Variants in TBC1D31 observed in about 807,000 individuals in gnomAD.
TBC1D31 encodes WD repeat domain 67.
A neutral mutation model predicts 132.9 loss-of-function variants in TBC1D31; 99 were observed. That is an observed-to-expected ratio of 0.74 (90% CI 0.63 to 0.88). The LOEUF (loss-of-function observed/expected upper bound fraction) is 0.88, where lower values mean the gene tolerates loss of function less well. Ranked by LOEUF, TBC1D31 falls within the 40% of genes least tolerant of loss-of-function variation. TBC1D31 has a pLI of 0.00. For missense variants in TBC1D31, 1,134 were observed against 1,256.6 expected, an observed-to-expected ratio of 0.90 and a Z score of 1.48; for synonymous variants, 385 against 419.4, an observed-to-expected ratio of 0.92 and a Z score of 1.00.
At chr8:123,149,435 C>A (rs2130978082) in intron 20 of TBC1D31, among the ~76,000 whole-genome samples, 1 of 152,278 alleles carries the variant, frequency 6.6e-6, no homozygotes, top group South Asian at 2.1e-4. Flanking sequence ...AGGAAGGGAC[C>A]ATTATAAGCC....
chr8:123,092,785 G>A (rs1330732435), intron 4 of TBC1D31, among the ~76,000 whole-genome samples: 2 of 147,786 alleles, frequency 1.4e-5, no homozygotes. Flanking sequence ...GAGTAGCTGG[G>A]ACTACAGGCA....
intron 1 of TBC1D31, among the ~76,000 whole-genome samples, chr8:123,075,712 A>G (rs567499500): frequency 6.6e-5 from 10 of 152,304 alleles, no homozygotes; most frequent in African/African-American, 2.4e-4. Context: ...CAAAAAAAAA[A>G]ATAAAACAAA....
chr8:123,096,053 T>C (rs995674832), intron 5 of TBC1D31, among the ~76,000 whole-genome samples: 5 of 152,248 alleles, frequency 3.3e-5, no homozygotes, highest in Non-Finnish European at 7.3e-5. Flanking sequence ...TCTTTTAGAC[T>C]ACTATAATAG....
intron 17 of TBC1D31, among the ~76,000 whole-genome samples, chr8:123,137,096 T>C (rs1431180167): frequency 6.6e-6 from 1 of 152,226 alleles, no homozygotes; most frequent in Non-Finnish European, 1.5e-5. Context: ...CATACGTATC[T>C]AATTTGAATC....
chr8:123,150,272 A>G, intron 21 of TBC1D31, 144 bp downstream of exon 21: 1 of 649,526 alleles, frequency 1.5e-6, no homozygotes, highest in South Asian at 1.9e-5. Flanking sequence ...GGGAGGCAGC[A>G]AGATTCTCTC....
At chr8:123,086,762 C>T (rs917452026) in intron 4 of TBC1D31, among the ~76,000 whole-genome samples, 3 of 151,544 alleles carry the variant, frequency 2.0e-5, no homozygotes, top group Non-Finnish European at 4.4e-5. Flanking sequence ...CTCTGGCATC[C>T]AGGCTGGAGT....
chr8:123,159,268 GAA>G, the TBC1D31 span, among the ~76,000 whole-genome samples: 4,727 of 93,888 alleles, frequency 0.05, 287 homozygotes, highest in African/African-American at 0.17. Flanking sequence ...ATTTGAACAG[GAA>G]AAAAAAAAAA....
intron 16 of TBC1D31, among the ~76,000 whole-genome samples, chr8:123,133,530 C>T (rs183724442): frequency 1.0e-3 from 154 of 152,300 alleles, no homozygotes; most frequent in African/African-American, 3.2e-3. Context: ...CACTTTATAT[C>T]TAAGATCATT....
intron 6 of TBC1D31, 124 bp from the exon 7 acceptor site, chr8:123,100,679 CACAT>C (rs1325963402): frequency 3.3e-6 from 2 of 599,086 alleles, no homozygotes; most frequent in African/African-American, 1.9e-5. Context: ...TATTTATACA[CACAT>C]ACACACATAT....
chr8:123,124,742 A>G (rs1242899974), intron 11 of TBC1D31, among the ~76,000 whole-genome samples: 1 of 151,606 alleles, frequency 6.6e-6, no homozygotes, highest in Non-Finnish European at 1.5e-5. Context: ...AAACTGGCCA[A>G]CATAGTGAAA....
intron 4 of TBC1D31, 48 bp from the exon 5 acceptor site, chr8:123,093,543 C>T (rs1816552743): frequency 7.6e-7 from 1 of 1,314,704 alleles, no homozygotes; most frequent in African/African-American, 1.5e-5. Flanking sequence ...AATTTAAAGT[C>T]TCTATGTGAA....
downstream of TBC1D31, among the ~76,000 whole-genome samples, chr8:123,154,301 A>C (rs1822933729): frequency 6.6e-6 from 1 of 152,226 alleles, no homozygotes; most frequent in South Asian, 2.1e-4. Flanking sequence ...GCAACTATGA[A>C]GACGTAAAGA....
chr8:123,092,020 C>G (rs1201453420), intron 4 of TBC1D31, among the ~76,000 whole-genome samples: 1 of 151,986 alleles, frequency 6.6e-6, no homozygotes, highest in Non-Finnish European at 1.5e-5. Context: ...AAAGGACTAA[C>G]TTTTTTTTCT....
At chr8:123,099,699 A>C (rs1252078210) in intron 6 of TBC1D31, among the ~76,000 whole-genome samples, 2 of 152,286 alleles carry the variant, frequency 1.3e-5, no homozygotes, top group Non-Finnish European at 2.9e-5. Flanking sequence ...TCTGATAGCC[A>C]GTGTGGAGGC....
chr8:123,087,264 C>T (rs1051005712), intron 4 of TBC1D31, among the ~76,000 whole-genome samples: 1 of 152,088 alleles, frequency 6.6e-6, no homozygotes, highest in African/African-American at 2.4e-5. Flanking sequence ...CTTTCTATTT[C>T]ATTAGCTAAA....
chr8:123,105,486 A>G, intron 8 of TBC1D31, 22 bp downstream of exon 8: 1 of 1,591,444 alleles, frequency 6.3e-7, no homozygotes. Flanking sequence ...TGGTAATTAA[A>G]CTTTGTCATG....
At chr8:123,106,950 C>A (rs1301357360) in intron 8 of TBC1D31, among the ~76,000 whole-genome samples, 2 of 152,184 alleles carry the variant, frequency 1.3e-5, no homozygotes, top group Admixed American at 1.3e-4. Flanking sequence ...ATCCTTGATT[C>A]CTCCATCAAT....
At position 123,082,822 on chromosome 8, in the gene TBC1D31, G is replaced by T; in HGVS notation, c.340+5G>T. 6.3e-7 allele frequency: 1 copy of T among 1,576,104 alleles called. No individual in the cohort carries two copies. ...CTATTAAATGTTTTGATACAGGTAA[G>T]AAGTTCTCCTATTTTTCTTTTGAAG... On this transcript the variant is annotated splice_donor_5th_base_variant and intron_variant, in intron 3 of 21. Transcript: ENST00000287380.
chr8:123,150,957 T>C (rs1444442807), intron 21 of TBC1D31, among the ~76,000 whole-genome samples: 1 of 152,244 alleles, frequency 6.6e-6, no homozygotes, highest in Non-Finnish European at 1.5e-5. Flanking sequence ...ACGAGCTTTA[T>C]AAGAAATATG....
Sources: gnomAD v4.1 joint callset for allele counts (sites outside exome capture counted in the v4.1 genomes callset) on GRCh38, gnomAD v4.1.1 for gene constraint, MANE v1.5 for transcripts, NCBI Gene and HGNC (gene_info 2026-07-23, HGNC 2026-07-21) for gene names.